Variants in TTC28 observed in about 807,000 individuals in gnomAD.
TTC28 encodes tetratricopeptide repeat protein 28.
TTC28 carries 61 observed loss-of-function variants against 198.0 expected under a neutral mutation model. That is an observed-to-expected ratio of 0.31 (90% CI 0.25 to 0.38). The LOEUF is 0.38. Ranked by LOEUF, TTC28 falls within the 10% of genes least tolerant of loss-of-function variation. TTC28 has a pLI of 1.00. For missense variants in TTC28, 2,678 were observed against 3,164.0 expected (o/e 0.85, Z 3.69); for synonymous variants, 1,171 against 1,297.8 (o/e 0.90, Z 2.10).
chr22:28,434,877 C>T (rs2146210250), intron 2 of TTC28, among the ~76,000 whole-genome samples: 1 of 152,258 alleles, frequency 6.6e-6, no homozygotes, highest in Non-Finnish European at 1.5e-5. Context: ...CTCCGTAACT[C>T]GGGCTTGCCT....
At chr22:28,024,411 G>A (rs1341893351) in intron 13 of TTC28, among the ~76,000 whole-genome samples, 6 of 152,134 alleles carry the variant, frequency 3.9e-5, no homozygotes, top group African/African-American at 1.4e-4. Context: ...ACAGAGGGTG[G>A]GGGGAAAATG....
At chr22:28,062,805 A>T (rs1234017092) in intron 12 of TTC28, among the ~76,000 whole-genome samples, 1 of 152,090 alleles carries the variant, frequency 6.6e-6, no homozygotes, top group Non-Finnish European at 1.5e-5. Context: ...AAAATGCCTT[A>T]TATTTTTATT....
chr22:28,031,681 C>T (rs2146635723), intron 12 of TTC28, among the ~76,000 whole-genome samples: 1 of 152,268 alleles, frequency 6.6e-6, no homozygotes, highest in Admixed American at 6.5e-5. Flanking sequence ...GCTATGCAAA[C>T]TTGAATGCTC....
chr22:28,493,283 G>A (rs1039834123), intron 2 of TTC28, among the ~76,000 whole-genome samples: 2 of 152,080 alleles, frequency 1.3e-5, no homozygotes, highest in Admixed American at 1.3e-4. Flanking sequence ...TTGAACCCGG[G>A]AGACAGAGGT....
At chr22:28,284,289 G>A (rs945505448) in intron 5 of TTC28, among the ~76,000 whole-genome samples, 12 of 152,216 alleles carry the variant, frequency 7.9e-5, no homozygotes, top group African/African-American at 2.9e-4. Context: ...CTACAGTGGG[G>A]GGAAGAACAC....
chr22:28,108,360 T>C lies in TTC28; in HGVS notation c.1485A>G (p.Lys495=). The C allele has an allele frequency of 6.8e-7, 1 of 1,479,616 alleles. No homozygotes were observed. Among genetic ancestry groups the C allele is most frequent in the East Asian group, 2.5e-5 (1 of 40,072 alleles). 91.7% of individuals were successfully genotyped at this position (1,479,616 alleles called of 1,614,324 possible). A position where few individuals can be genotyped will look rare whatever the true frequency, so the allele number is the denominator to read the frequency against. The change falls in exon 7 of 23, where the codon AAA becomes AAG. Residue 495 remains lysine (K), a synonymous_variant. Transcript: ENST00000397906. ...QMKGDYDTAL[K]LHKTHLCIAQ... ...CAATGCACAGGTGGGTCTTGTGGAG[T>C]TTCAGTGCAGTGTCATAATCACCTT...
intron 2 of TTC28, among the ~76,000 whole-genome samples, chr22:28,535,592 T>C (rs933976951): frequency 6.6e-6 from 1 of 152,154 alleles, no homozygotes; most frequent in African/African-American, 2.4e-5. Flanking sequence ...GGTCATATGG[T>C]TTGGCTCTGT....
chr22:28,085,790 A>G (rs1941568376), intron 12 of TTC28, among the ~76,000 whole-genome samples: 1 of 152,134 alleles, frequency 6.6e-6, no homozygotes, highest in Non-Finnish European at 1.5e-5. Flanking sequence ...AGACACACAT[A>G]GGCTCAAAAT....
intron 2 of TTC28, among the ~76,000 whole-genome samples, chr22:28,499,258 G>A (rs2048501358): frequency 6.6e-6 from 1 of 152,032 alleles, no homozygotes; most frequent in South Asian, 2.1e-4. Context: ...ATGTGACTGT[G>A]AAAAAATGTG....
chr22:28,676,886 T>C (rs1196049184), intron 1 of TTC28, among the ~76,000 whole-genome samples: 49 of 152,022 alleles, frequency 3.2e-4, no homozygotes, highest in Admixed American at 3.2e-3. Flanking sequence ...CCAGGCGCAG[T>C]GGCTCACGCC....
At chr22:28,063,547 C>T (rs1026074713) in intron 12 of TTC28, among the ~76,000 whole-genome samples, 4 of 152,132 alleles carry the variant, frequency 2.6e-5, no homozygotes, top group Non-Finnish European at 5.9e-5. Context: ...CACTGCCCAC[C>T]GCAGAGAGTT....
At chr22:28,293,776 AG>A (rs1029594635) in intron 5 of TTC28, among the ~76,000 whole-genome samples, 3 of 152,196 alleles carry the variant, frequency 2.0e-5, no homozygotes, top group Non-Finnish European at 4.4e-5. Context: ...CAAACACAAT[AG>A]AAGAAACACA....
chr22:28,631,308 G>T (rs1379665395), intron 1 of TTC28, among the ~76,000 whole-genome samples: 1 of 152,134 alleles, frequency 6.6e-6, no homozygotes, highest in Non-Finnish European at 1.5e-5. Context: ...GGCAAATTTG[G>T]TGACTATAAT....
chr22:28,673,899 G>A (rs1405563166), intron 1 of TTC28, among the ~76,000 whole-genome samples: 2 of 151,986 alleles, frequency 1.3e-5, no homozygotes, highest in Admixed American at 6.6e-5. Context: ...CAGGCTTCCC[G>A]CTAACAGTTT....
chr22:28,167,678 G>A (rs1399241688), intron 5 of TTC28, among the ~76,000 whole-genome samples: 3 of 152,100 alleles, frequency 2.0e-5, no homozygotes, highest in Admixed American at 6.6e-5. Context: ...TCTCAAAATA[G>A]TAAGAGCTAT....
chr22:28,578,602 GT>G, intron 2 of TTC28, among the ~76,000 whole-genome samples: 1 of 152,204 alleles, frequency 6.6e-6, no homozygotes, highest in African/African-American at 2.4e-5. Flanking sequence ...CAGATGGGCA[GT>G]CCAGTATCTG....
intron 2 of TTC28, among the ~76,000 whole-genome samples, chr22:28,525,307 CA>C (rs2048985990): frequency 1.3e-5 from 2 of 152,072 alleles, no homozygotes; most frequent in Non-Finnish European, 2.9e-5. Context: ...TGCACATTAC[CA>C]CATCTGGCTA....
In TTC28 at chr22:27,978,745, CTT is replaced by C. The variant is rs1936925765; in HGVS notation, c.*3474_*3475del. 6.6e-6 allele frequency: 1 copy of C among 152,144 alleles called. No individual in the cohort carries two copies. The highest frequency in any genetic ancestry group is 1.5e-5 in the Non-Finnish European group (1 of 68,032). 9.4% of individuals were successfully genotyped at this position (152,144 alleles called of 1,614,324 possible). Reference sequence around the variant, plus strand: ...AGCAATTTTTCTCTTGATATTTTGACTTAATTAAAAAAATCAAATTAGTTGAG... The same window carrying C: ...AGCAATTTTTCTCTTGATATTTTGACAATTAAAAAAATCAAATTAGTTGAG... On this transcript the variant is annotated 3_prime_UTR_variant, in exon 23 of 23. Coordinates refer to ENST00000397906, the MANE Select transcript of TTC28 (RefSeq NM_001145418.2).
chr22:28,348,779 T>G (rs1264391145), intron 2 of TTC28, among the ~76,000 whole-genome samples: 1 of 152,204 alleles, frequency 6.6e-6, no homozygotes, highest in African/African-American at 2.4e-5. Flanking sequence ...GTCAGGCTCT[T>G]TAAACATGTC....
Sources: allele counts gnomAD v4.1 joint callset (sites outside exome capture counted in the v4.1 genomes callset), GRCh38; gene constraint gnomAD v4.1.1; transcripts MANE v1.5; gene names NCBI Gene and HGNC (gene_info 2026-07-23, HGNC 2026-07-21).